The following PLB1 variants were observed in gnomAD, a reference collection of about 807,000 sequenced individuals.
The protein encoded by PLB1 is phospholipase B1, membrane-associated.
In PLB1, 242 loss-of-function variants were observed where a neutral mutation model predicts 227.4. The observed-to-expected ratio is 1.06, with a 90% CI of 0.96 to 1.18. The LOEUF (loss-of-function observed/expected upper bound fraction) is 1.18. Among genes scored for constraint, PLB1 ranks in the 50% most tolerant of loss-of-function variants. The pLI is 0.00. For synonymous variants in PLB1, 757 were observed against 682.2 expected, an observed-to-expected ratio of 1.11 and a Z score of -1.71; for missense variants, 1,858 against 1,816.3, an observed-to-expected ratio of 1.02 and a Z score of -0.42.
chr2:28,569,984 G>T (rs112596683), intron 20 of PLB1, among the ~76,000 whole-genome samples: 1 of 36,310 alleles, frequency 2.8e-5, no homozygotes, highest in Admixed American at 3.3e-4. Context: ...AAAAAAGAAA[G>T]AAAAAAGAAA....
At chr2:28,516,019 T>C (rs1668806506) in intron 1 of PLB1, among the ~76,000 whole-genome samples, 2 of 152,200 alleles carry the variant, frequency 1.3e-5, no homozygotes, top group South Asian at 2.1e-4. Flanking sequence ...AAAATCACTT[T>C]TGATTGTAAG....
intron 23 of PLB1, 61 bp downstream of exon 23, chr2:28,579,768 C>A: frequency 1.4e-6 from 2 of 1,410,972 alleles, no homozygotes; most frequent in South Asian, 1.2e-5. Context: ...ACAGCCCGGT[C>A]ACTTGCTCTG....
intron 17 of PLB1, among the ~76,000 whole-genome samples, chr2:28,556,943 G>T (rs1675232541): frequency 6.6e-6 from 1 of 152,006 alleles, no homozygotes; most frequent in African/African-American, 2.4e-5. Context: ...AAATGGCCGG[G>T]TTACAGCACT....
chr2:28,621,782 G>A (rs115086557), intron 49 of PLB1, among the ~76,000 whole-genome samples: 51 of 152,264 alleles, frequency 3.3e-4, no homozygotes, highest in African/African-American at 1.1e-3. Flanking sequence ...TCAACGTCAC[G>A]AGCAGGAAGA....
At chr2:28,564,213 GGC>G (rs1676497195) in intron 18 of PLB1, among the ~76,000 whole-genome samples, 1 of 152,226 alleles carries the variant, frequency 6.6e-6, no homozygotes, top group Non-Finnish European at 1.5e-5. Context: ...CTGCACTCCA[GGC>G]TGGACAACAG....
At chr2:28,562,936 A>G (rs1285435234) in intron 17 of PLB1, 105 bp from the exon 18 acceptor site, 1 of 1,134,498 alleles carries the variant, frequency 8.8e-7, no homozygotes, top group African/African-American at 1.6e-5. Flanking sequence ...GTAAAAACTG[A>G]CTTTTTCTTT....
intron 54 of PLB1, among the ~76,000 whole-genome samples, chr2:28,631,152 CA>C (rs56107032): frequency 0.27 from 36,505 of 137,340 alleles, 4,484 homozygotes; most frequent in East Asian, 0.36. Context: ...GACCCTATCT[CA>C]AAAAAAAAAA....
chr2:28,626,084 C>T (rs1239262389), intron 50 of PLB1, among the ~76,000 whole-genome samples: 2 of 151,834 alleles, frequency 1.3e-5, no homozygotes, highest in African/African-American at 2.4e-5. Context: ...CAGCATCTGC[C>T]TCCTGGGTTC....
intron 25 of PLB1, among the ~76,000 whole-genome samples, chr2:28,583,184 C>A (rs1316997989): frequency 6.7e-6 from 1 of 148,388 alleles, no homozygotes; most frequent in East Asian, 2.0e-4. Flanking sequence ...CTCCAAAATC[C>A]AAAACTTTTT....
intron 44 of PLB1, among the ~76,000 whole-genome samples, chr2:28,614,578 C>T (rs1444344324): frequency 6.6e-6 from 1 of 152,144 alleles, no homozygotes; most frequent in Non-Finnish European, 1.5e-5. Context: ...GATTCAGAGC[C>T]CATGGTTAAT....
At chr2:28,575,260 TTTTG>T (rs1233108977) in intron 21 of PLB1, among the ~76,000 whole-genome samples, 2 of 152,234 alleles carry the variant, frequency 1.3e-5, no homozygotes, top group South Asian at 2.1e-4. Flanking sequence ...TCCCTGACAC[TTTTG>T]TTTATGTTGA....
intron 25 of PLB1, 40 bp downstream of exon 25, chr2:28,582,545 C>T: frequency 6.9e-7 from 1 of 1,459,100 alleles, no homozygotes; most frequent in Non-Finnish European, 9.5e-7. Flanking sequence ...TAAGAATCCT[C>T]ACTGCTAAGG....
At chr2:28,514,355 C>G (rs1558647208) in intron 1 of PLB1, among the ~76,000 whole-genome samples, 1 of 152,102 alleles carries the variant, frequency 6.6e-6, no homozygotes, top group Non-Finnish European at 1.5e-5. Flanking sequence ...TATCTTCAAT[C>G]CTGGAGTCAG....
In PLB1 at chr2:28,591,778, C is replaced by T. The variant is rs769151666; in HGVS notation, c.2188+18C>T. 1.6e-5 allele frequency: 26 copies of T among 1,612,754 alleles called. 1 individual carries two copies. The South Asian group carries it at 2.5e-4, about 16-fold the overall frequency. Reference sequence around the variant, plus strand: ...TACCTCAGGTAAGCCCCCTATGGCACAGCAGGACCCAGGGCCCCTCCACAG... The same window carrying T: ...TACCTCAGGTAAGCCCCCTATGGCATAGCAGGACCCAGGGCCCCTCCACAG... On this transcript the variant is annotated intron_variant, in intron 31 of 57. Transcript: ENST00000327757.
chr2:28,600,567 C>G (rs945941361), intron 35 of PLB1, among the ~76,000 whole-genome samples: 4 of 152,202 alleles, frequency 2.6e-5, no homozygotes, highest in Admixed American at 6.5e-5. Flanking sequence ...CCATGAGCAA[C>G]AAATATAATT....
intron 17 of PLB1, among the ~76,000 whole-genome samples, chr2:28,557,106 A>G (rs1418996642): frequency 6.6e-6 from 1 of 152,138 alleles, no homozygotes; most frequent in Admixed American, 6.5e-5. Context: ...CCTGTGGGAA[A>G]TAACAGCCTG....
chr2:28,589,941 C>T (rs369620467), intron 28 of PLB1, 64 bp from the exon 29 acceptor site: 531 of 1,490,408 alleles, frequency 3.6e-4, no homozygotes, highest in Non-Finnish European at 4.7e-4. Context: ...CCCTGACCTG[C>T]GTCCTGAGCT....
At chr2:28,557,459 A>G (rs1310546328) in intron 17 of PLB1, among the ~76,000 whole-genome samples, 2 of 152,228 alleles carry the variant, frequency 1.3e-5, no homozygotes, top group Non-Finnish European at 2.9e-5. Flanking sequence ...GAGAGAAAGC[A>G]TGTTTTTCAG....
In PLB1 at chr2:28,582,138, G is replaced by A. The variant is rs376307855; in HGVS notation, c.1632+5G>A. On this transcript the variant is annotated splice_donor_5th_base_variant and intron_variant, in intron 24 of 57. Transcript: ENST00000327757. ...CTGGACATCCTCCATGCTGAGGTAC[G>A]GAGGCTAGGCCATGAGGCCTGCATC... is the stretch of plus-strand genomic sequence containing the variant. 2.0e-5 allele frequency: 32 copies of A among 1,613,054 alleles called. No homozygotes were observed. Among genetic ancestry groups the A allele is most frequent in the African/African-American group, 1.5e-4 (11 of 74,916 alleles).
Sources: gnomAD v4.1 joint callset for allele counts (sites outside exome capture counted in the v4.1 genomes callset) on GRCh38, gnomAD v4.1.1 for gene constraint, MANE v1.5 for transcripts, NCBI Gene and HGNC (gene_info 2026-07-23, HGNC 2026-07-21) for gene names.